Variants in CNTN4 observed in about 807,000 individuals in gnomAD.
CNTN4 encodes the protein contactin-4.
Under a neutral mutation model 122.5 loss-of-function variants are expected in CNTN4, and 77 were observed. That is an observed-to-expected ratio of 0.63 (90% confidence interval 0.52 to 0.76). The LOEUF (loss-of-function observed/expected upper bound fraction) is 0.76. CNTN4 is among the 30% of genes least tolerant of loss of function. The pLI is 0.00. For missense variants in CNTN4, 1,256 were observed against 1,259.1 expected (o/e 1.00, Z 0.04); for synonymous variants, 512 against 447.0 (o/e 1.15, Z -1.83).
At chr3:2,895,910 G>A (rs1208184571) in intron 10 of CNTN4, among the ~76,000 whole-genome samples, 1 of 152,186 alleles carries the variant, frequency 6.6e-6, no homozygotes, top group African/African-American at 2.4e-5. Flanking sequence ...GCGGGCGCCT[G>A]TGGTCCCAGC....
At chr3:2,537,943 AT>A (rs1244248828) in intron 3 of CNTN4, among the ~76,000 whole-genome samples, 6 of 152,010 alleles carry the variant, frequency 3.9e-5, no homozygotes, top group Non-Finnish European at 8.8e-5. Context: ...TATAGAATGA[AT>A]TGTGCTCCTC....
chr3:2,447,006 T>C (rs1017650387), intron 3 of CNTN4, among the ~76,000 whole-genome samples: 1 of 152,194 alleles, frequency 6.6e-6, no homozygotes, highest in Admixed American at 6.5e-5. Flanking sequence ...AAGTTGCTTA[T>C]GCAACAAAAG....
At chr3:2,107,323 G>C (rs556050255) in intron 2 of CNTN4, among the ~76,000 whole-genome samples, 1 of 152,306 alleles carries the variant, frequency 6.6e-6, no homozygotes, top group South Asian at 2.1e-4. Flanking sequence ...ATAAAGGAGA[G>C]AGGTTTAATG....
chr3:2,816,007 G>T (rs182519530), intron 6 of CNTN4, among the ~76,000 whole-genome samples: 4 of 151,762 alleles, frequency 2.6e-5, no homozygotes, highest in Admixed American at 2.6e-4. Flanking sequence ...ACCAAATATC[G>T]TATGTTCTCA....
chr3:2,576,198 T>C (rs2079675860), intron 4 of CNTN4, among the ~76,000 whole-genome samples: 1 of 152,208 alleles, frequency 6.6e-6, no homozygotes, highest in Non-Finnish European at 1.5e-5. Flanking sequence ...TGGGTAGATA[T>C]TTCTGTCCTT....
intron 4 of CNTN4, among the ~76,000 whole-genome samples, chr3:2,716,417 C>T (rs750096696): frequency 2.6e-5 from 4 of 151,672 alleles, no homozygotes; most frequent in East Asian, 1.9e-4. Context: ...AAGCACATTG[C>T]GTAGTCCCTG....
intron 6 of CNTN4, among the ~76,000 whole-genome samples, chr3:2,781,639 C>A (rs1385870886): frequency 6.7e-6 from 1 of 150,034 alleles, no homozygotes; most frequent in Non-Finnish European, 1.5e-5. Flanking sequence ...CAATCAAATA[C>A]ATTTAAGAAA....
chr3:2,352,653 C>T (rs375845451), intron 3 of CNTN4, among the ~76,000 whole-genome samples: 18 of 152,296 alleles, frequency 1.2e-4, no homozygotes, highest in Middle Eastern at 3.4e-3. Flanking sequence ...ACCTGCAGCC[C>T]GCCAAGCCCG....
At chr3:3,022,216 C>A (rs1467059224) in intron 14 of CNTN4, among the ~76,000 whole-genome samples, 1 of 152,066 alleles carries the variant, frequency 6.6e-6, no homozygotes, top group East Asian at 1.9e-4. Flanking sequence ...TGCACTCCAA[C>A]CTCAGGGACA....
chr3:2,429,859 C>T (rs1378100922), intron 3 of CNTN4, among the ~76,000 whole-genome samples: 1 of 152,144 alleles, frequency 6.6e-6, no homozygotes, highest in Admixed American at 6.5e-5. Context: ...AGTGAGGCTC[C>T]GTGGGCATGG....
At chr3:2,402,573 C>T (rs146151877) in intron 3 of CNTN4, among the ~76,000 whole-genome samples, 7 of 152,176 alleles carry the variant, frequency 4.6e-5, no homozygotes, top group African/African-American at 1.7e-4. Context: ...GAATTCCACT[C>T]TTTCAGTTAT....
chr3:2,958,434 A>G (rs373859146), intron 13 of CNTN4, among the ~76,000 whole-genome samples: 1 of 152,170 alleles, frequency 6.6e-6, no homozygotes, highest in African/African-American at 2.4e-5. Context: ...CAGTTTATTG[A>G]ATTCTCATGG....
rs139774601 is a variant in CNTN4, at chr3:2,684,507, G to A, written c.56-51708G>A. Among the ~76,000 whole-genome samples, 5 of 152,252 alleles carry A rather than the reference G, an allele frequency of 3.3e-5. No homozygotes were observed. The East Asian group carries it at 7.7e-4, about 24-fold the overall frequency. On this transcript the variant is annotated intron_variant, in intron 4 of 24. Coordinates refer to ENST00000418658, the MANE Select transcript of CNTN4 (RefSeq NM_175607.3). Reference sequence around the variant, plus strand: ...TGTTTCTCTTTAAGTGTGGCCTACAGTAGAGTCTAATGCTGGACCCATGCA... The same window carrying A: ...TGTTTCTCTTTAAGTGTGGCCTACAATAGAGTCTAATGCTGGACCCATGCA...
chr3:2,897,959 T>A lies in CNTN4; in HGVS notation c.941-2726T>A, dbSNP rs533370862. Among the ~76,000 whole-genome samples the A allele has an allele frequency of 1.4e-3, 217 of 152,326 alleles. 1 individual carries two copies. Among genetic ancestry groups the A allele is most frequent in the African/African-American group, 4.7e-3 (194 of 41,572 alleles). ...CAAAAGGGGAGGGGCTAATGATGTG[T>A]CTTATAATATGCTTAACTGGGATTT... On this transcript the variant is annotated intron_variant, in intron 10 of 24. Coordinates refer to ENST00000418658, the MANE Select transcript of CNTN4 (RefSeq NM_175607.3).
At chr3:2,595,821 C>G (rs996722874) in intron 4 of CNTN4, among the ~76,000 whole-genome samples, 1 of 141,832 alleles carries the variant, frequency 7.1e-6, no homozygotes, top group Non-Finnish European at 1.5e-5. Context: ...TCTGCATGAT[C>G]CCCAAACACG....
chr3:2,481,290 G>A (rs950505711), intron 3 of CNTN4, among the ~76,000 whole-genome samples: 1 of 151,878 alleles, frequency 6.6e-6, no homozygotes, highest in South Asian at 2.1e-4. Flanking sequence ...ACAGGTGCAC[G>A]CCACCATGTC....
chr3:2,875,987 T>C (rs1379053132), intron 8 of CNTN4, among the ~76,000 whole-genome samples: 1 of 152,204 alleles, frequency 6.6e-6, no homozygotes, highest in Non-Finnish European at 1.5e-5. Context: ...TGCCTTTAAA[T>C]GAGACAGTCT....
intron 4 of CNTN4, among the ~76,000 whole-genome samples, chr3:2,606,142 A>T (rs1235113680): frequency 6.6e-6 from 1 of 152,136 alleles, no homozygotes; most frequent in African/African-American, 2.4e-5. Context: ...GAATGGGGGG[A>T]CAAAGTGGTT....
intron 4 of CNTN4, among the ~76,000 whole-genome samples, chr3:2,687,959 G>C (rs759209857): frequency 2.0e-5 from 3 of 152,236 alleles, no homozygotes; most frequent in East Asian, 1.9e-4. Flanking sequence ...AGGTCACACT[G>C]TTCTTCCTAA....
Sources: gnomAD v4.1 joint callset for allele counts (sites outside exome capture counted in the v4.1 genomes callset) on GRCh38, gnomAD v4.1.1 for gene constraint, MANE v1.5 for transcripts, NCBI Gene and HGNC (gene_info 2026-07-23, HGNC 2026-07-21) for gene names.